The following SH3PXD2B variants were observed in gnomAD, a reference collection of about 807,000 sequenced individuals.
SH3PXD2B encodes SH3 and PX domains 2B, also known as SH3 and PX domain-containing protein 2B.
Under a neutral mutation model 73.1 loss-of-function variants are expected in SH3PXD2B, and 37 were observed. The observed-to-expected ratio is 0.51, with a 90% confidence interval of 0.39 to 0.67. The LOEUF (loss-of-function observed/expected upper bound fraction) is 0.67. Among genes scored for constraint, SH3PXD2B ranks in the 30% least tolerant of loss-of-function variants. SH3PXD2B has a pLI of 0.00. For missense variants in SH3PXD2B, 1,053 were observed against 1,197.8 expected, an observed-to-expected ratio of 0.88 and a Z score of 1.78; for synonymous variants, 457 against 480.5, an observed-to-expected ratio of 0.95 and a Z score of 0.64.
intron 6 of SH3PXD2B, among the ~76,000 whole-genome samples, chr5:172,370,794 G>A (rs1406996904): frequency 6.6e-6 from 1 of 152,190 alleles, no homozygotes. Context: ...TGATCTACCA[G>A]GAGTCTCCAC....
intron 12 of SH3PXD2B, among the ~76,000 whole-genome samples, chr5:172,344,470 C>G (rs939026064): frequency 3.3e-5 from 5 of 151,738 alleles, no homozygotes; most frequent in Non-Finnish European, 4.4e-5. Context: ...CGCCTGTAAT[C>G]CCAGTTACTA....
intron 6 of SH3PXD2B, among the ~76,000 whole-genome samples, chr5:172,363,603 G>A (rs1340691519): frequency 6.6e-6 from 1 of 152,140 alleles, no homozygotes; most frequent in African/African-American, 2.4e-5. Flanking sequence ...GTGACATAAC[G>A]CAGGGACCCG....
chr5:172,332,539 C>T (rs1338583962), downstream of SH3PXD2B, among the ~76,000 whole-genome samples: 4 of 151,686 alleles, frequency 2.6e-5, no homozygotes, highest in African/African-American at 9.7e-5. Context: ...GCTGGGATTA[C>T]GGGTGAGCCA....
intron 1 of SH3PXD2B, among the ~76,000 whole-genome samples, chr5:172,443,269 T>A (rs1759588289): frequency 6.6e-6 from 1 of 152,176 alleles, no homozygotes; most frequent in Non-Finnish European, 1.5e-5. Flanking sequence ...TGTGACAAAG[T>A]CACATGTATT....
At position 172,335,687 on chromosome 5, in the gene SH3PXD2B, A is replaced by G. The variant is rs1055629323; in HGVS notation, c.*2682T>C. 4 of 1,231,636 alleles carry G rather than the reference A, an allele frequency of 3.2e-6. No individual in the cohort carries two copies. The highest frequency in any genetic ancestry group is 4.2e-5 in the Admixed American group (1 of 23,698). 76.3% of individuals were successfully genotyped at this position (1,231,636 alleles called of 1,614,324 possible). ...GGGGAGTTCTGCATATGCGCCATCA[A>G]TCGCTCACAGAATAGCGACCACAGT... On this transcript the variant is annotated 3_prime_UTR_variant, in exon 13 of 13. Transcript: ENST00000311601.
rs563775052 is a variant in SH3PXD2B, at chr5:172,368,710, T to A, written c.427+5080A>T. Among the ~76,000 whole-genome samples the A allele has an allele frequency of 7.6e-4, 63 of 83,022 alleles. 4 individuals carry two copies. The highest frequency in any genetic ancestry group is 1.3e-3 in the Non-Finnish European group (59 of 46,738). The allele number at this position is 83,022 out of a possible 152,430, so 54.5% of individuals were successfully genotyped here. On this transcript the variant is annotated intron_variant, in intron 6 of 12. Coordinates refer to ENST00000311601, the MANE Select transcript of SH3PXD2B (RefSeq NM_001017995.3). ...GTTATATATATAAAATATATATATA[T>A]TATATATATATAAAATATATATTTA... is the stretch of plus-strand genomic sequence containing the variant.
chr5:172,412,613 T>C (rs1450489142), intron 2 of SH3PXD2B, among the ~76,000 whole-genome samples: 1 of 152,154 alleles, frequency 6.6e-6, no homozygotes, highest in Non-Finnish European at 1.5e-5. Context: ...AAGCTTTCCT[T>C]GCCGAGCTGG....
rs1165280572 is a variant in SH3PXD2B, at chr5:172,439,280, AC to A, written c.75+14997del. Among the ~76,000 whole-genome samples, 173 of 54,664 alleles carry A rather than the reference AC, an allele frequency of 3.2e-3. 9 individuals are homozygous for A. Among genetic ancestry groups the A allele is most frequent in the African/African-American group, 0.012 (144 of 12,432 alleles). The allele number at this position is 54,664 out of a possible 152,430, so 35.9% of individuals were successfully genotyped here. A position where few individuals can be genotyped will look rare whatever the true frequency, so the allele number is the denominator to read the frequency against. ...AAAAAAAAACAAAAACAAAAACAAA[AC>A]AAAAAAAAAACCCCAAAAAAAAACC... On this transcript the variant is annotated intron_variant, in intron 1 of 12. Transcript: ENST00000311601.
At chr5:172,444,226 T>G (rs1002089771) in intron 1 of SH3PXD2B, among the ~76,000 whole-genome samples, 30 of 151,978 alleles carry the variant, frequency 2.0e-4, no homozygotes, top group Admixed American at 2.0e-4. Flanking sequence ...GGCTAAAAGG[T>G]CTGAAAATGG....
intron 4 of SH3PXD2B, among the ~76,000 whole-genome samples, chr5:172,386,146 C>A (rs1404031139): frequency 6.6e-6 from 1 of 152,178 alleles, no homozygotes; most frequent in Admixed American, 6.5e-5. Flanking sequence ...AGATTCTGGC[C>A]AAGTCTCACT....
Position 172,338,640 on chromosome 5 carries a change from C to A in SH3PXD2B, c.2465G>T (p.Gly822Val). The change falls in exon 13 of 13, where the codon GGC (glycine) becomes GTC (valine). Residue 822 changes from glycine to valine, a missense_variant. Physicochemically the swap from Gly to Val is moderately radical, Grantham distance 109. Around this residue, in one of 2 missense-constraint regions of SH3PXD2B, gnomAD observed 587 missense variants for 590.7 expected, o/e 0.99. Coordinates refer to ENST00000311601, the MANE Select transcript of SH3PXD2B (RefSeq NM_001017995.3). This position sits in a 1 kb window ranked among gnomAD's most constrained non-coding sequence, Gnocchi z 5.1. ...LGGQDDTRGK[G>V]SLGPWGTGKI... ...GCCGGTCCCCCATGGCCCCAGGCTGCCTTTGCCTCGCGTGTCATCCTGGCC... is the reference window on the plus strand; with the variant it reads ...GCCGGTCCCCCATGGCCCCAGGCTGACTTTGCCTCGCGTGTCATCCTGGCC... 6.2e-7 allele frequency: 1 copy of A among 1,614,168 alleles called. No homozygotes were observed. Among genetic ancestry groups the A allele is most frequent in the Non-Finnish European group, 8.5e-7 (1 of 1,180,026 alleles).
chr5:172,395,787 G>GCA (rs34759298), intron 3 of SH3PXD2B, among the ~76,000 whole-genome samples: 54,925 of 151,644 alleles, frequency 0.36, 10,311 homozygotes, highest in East Asian at 0.66. Flanking sequence ...ATGGAGATAA[G>GCA]CCTCTACCAA....
At chr5:172,405,291 C>T (rs897116632) in intron 3 of SH3PXD2B, among the ~76,000 whole-genome samples, 1 of 152,250 alleles carries the variant, frequency 6.6e-6, no homozygotes, top group Non-Finnish European at 1.5e-5. Context: ...CCCTAATCCC[C>T]AAAGCTTGTA....
chr5:172,365,913 G>A (rs1183464077), intron 6 of SH3PXD2B, among the ~76,000 whole-genome samples: 2 of 152,130 alleles, frequency 1.3e-5, no homozygotes, highest in African/African-American at 4.8e-5. Context: ...CAGCCTGCCC[G>A]AGGGCTCAAA....
intron 4 of SH3PXD2B, among the ~76,000 whole-genome samples, chr5:172,391,096 C>A (rs6867592): frequency 0.38 from 57,410 of 151,828 alleles, 11,357 homozygotes; most frequent in East Asian, 0.66. Context: ...CCGCCTCAGC[C>A]TCCCAAAGTA....
Position 172,362,743 on chromosome 5 carries a change from T to C in SH3PXD2B, c.554A>G (p.Asn185Ser), listed in dbSNP as rs1301632603. Residue 185 changes from asparagine (N) to serine (S), a missense_variant, in exon 7 of 13, where the codon AAT (asparagine) becomes AGT (serine). This residue lies in a region of SH3PXD2B where 466 missense variants were observed against 607.1 expected (regional missense o/e 0.77). Coordinates refer to ENST00000311601, the MANE Select transcript of SH3PXD2B (RefSeq NM_001017995.3). ...VGQVVDIIEK[N>S]ESGWWFVSTA... ...ATGGTCTAGGTCCCCACCTGACTCA[T>C]TCTTCTCGATGATGTCCACCACCTG... 4 of 1,613,974 alleles carry C rather than the reference T, an allele frequency of 2.5e-6. No homozygotes were observed. Among genetic ancestry groups the C allele is most frequent in the Non-Finnish European group, 1.7e-6 (2 of 1,179,994 alleles).
chr5:172,358,369 C>T (rs550912104), intron 8 of SH3PXD2B, among the ~76,000 whole-genome samples: 4 of 152,346 alleles, frequency 2.6e-5, no homozygotes, highest in Admixed American at 2.0e-4. Flanking sequence ...CACTTAAACC[C>T]ACAGAGAAGG....
intron 4 of SH3PXD2B, among the ~76,000 whole-genome samples, chr5:172,389,219 A>T (rs956571945): frequency 1.3e-5 from 2 of 151,678 alleles, no homozygotes; most frequent in Non-Finnish European, 2.9e-5. Flanking sequence ...CCACACCTGG[A>T]TAATTTTTAT....
chr5:172,373,760 C>A (rs368374430), intron 6 of SH3PXD2B, 30 bp downstream of exon 6: 3 of 1,607,600 alleles, frequency 1.9e-6, no homozygotes, highest in Non-Finnish European at 2.6e-6. Context: ...GAAAACTGAA[C>A]GAAGAGAAGA....
Sources: allele counts gnomAD v4.1 joint callset (sites outside exome capture counted in the v4.1 genomes callset), GRCh38; gene constraint gnomAD v4.1.1; regional missense constraint gnomAD v4.1.1; non-coding constraint Gnocchi (gnomAD v3.1); transcripts MANE v1.5; gene names NCBI Gene and HGNC (gene_info 2026-07-23, HGNC 2026-07-21).